MKLN1: variants seen among roughly 807,000 people sequenced by gnomAD.
MKLN1 encodes the protein muskelin 1.
Under a neutral mutation model 99.0 loss-of-function variants are expected in MKLN1, and 18 were observed. The ratio of observed to expected loss-of-function variants is 0.18; its 90% CI spans 0.13 to 0.27. The LOEUF is 0.27. MKLN1 is among the 10% of genes least tolerant of loss of function. The pLI is 1.00. For missense variants in MKLN1, 621 were observed against 875.9 expected (o/e 0.71, Z 3.67); for synonymous variants, 288 against 293.2 (o/e 0.98, Z 0.18).
In MKLN1 at chr7:131,488,264, G is replaced by T. The variant is rs1013541973; in HGVS notation, c.*536G>T. 3.3e-5 allele frequency: 5 copies of T among 151,920 alleles called. No individual in the cohort carries two copies. Among genetic ancestry groups the T allele is most frequent in the Non-Finnish European group, 2.9e-5 (2 of 68,000 alleles). The allele number at this position is 151,920 out of a possible 1,614,324, so 9.4% of individuals were successfully genotyped here. On this transcript the variant is annotated 3_prime_UTR_variant, in exon 18 of 18. Transcript: ENST00000352689. The stretch of plus-strand genomic sequence containing the variant: ...AAGTGTATAGTTCTCTAGGACAGTT[G>T]ATGTATGTTAAGGTGATATCTGTGT...
At chr7:131,416,979 CAAAAAAAAAAA>C (rs374145180) in intron 8 of MKLN1, among the ~76,000 whole-genome samples, 2,670 of 49,638 alleles carry the variant, frequency 0.054, 80 homozygotes, top group African/African-American at 0.16. Context: ...GCAACCCTGT[CAAAAAAAAAAA>C]AAAAAAAAAA....
intron 11 of MKLN1, 82 bp from the exon 12 acceptor site, chr7:131,445,692 G>T (rs1795992381): frequency 2.5e-6 from 3 of 1,211,470 alleles, no homozygotes; most frequent in South Asian, 3.2e-5. Context: ...TTTTGTAGAG[G>T]TTTAAGTTTT....
chr7:131,445,479 C>T (rs1228592093), intron 11 of MKLN1, among the ~76,000 whole-genome samples: 2 of 152,126 alleles, frequency 1.3e-5, no homozygotes, highest in Non-Finnish European at 2.9e-5. Context: ...TTCCCTCTCT[C>T]CCTCTCTTTT....
At chr7:131,347,674 G>A (rs572506638) in intron 1 of MKLN1, among the ~76,000 whole-genome samples, 17 of 151,994 alleles carry the variant, frequency 1.1e-4, no homozygotes, top group African/African-American at 4.8e-5. Context: ...TAATTGGCTC[G>A]TTTACTTTTA....
At position 131,119,109 on chromosome 7, in the gene MKLN1, C is replaced by A. The variant is rs181376975; in HGVS notation, c.-419+8902C>A. Among the ~76,000 whole-genome samples, 655 of 152,278 alleles carry A rather than the reference C, an allele frequency of 4.3e-3. 2 individuals are homozygous for A. The highest frequency in any genetic ancestry group is 6.3e-3 in the Non-Finnish European group (431 of 68,008). ...TCTTCTGCCTATGAGCCTGTAAAAT[C>A]AAAAACAAGTTAGTTACTTCCAAGA... On this transcript the variant is annotated intron_variant, in intron 1 of 7. Transcript: ENST00000416992.
chr7:131,454,296 T>A (rs1796272287), intron 12 of MKLN1, among the ~76,000 whole-genome samples: 1 of 152,180 alleles, frequency 6.6e-6, no homozygotes, highest in African/African-American at 2.4e-5. Context: ...CACCAGTAAA[T>A]AAATTGGTTG....
intron 1 of MKLN1, among the ~76,000 whole-genome samples, chr7:131,132,981 A>AAGAAAGAAAGAAAGAC (rs200629849): frequency 6.9e-5 from 10 of 144,002 alleles, no homozygotes; most frequent in East Asian, 2.1e-4. Flanking sequence ...GAAAGAAAGA[A>AAGAAAGAAAGAAAGAC]AAACCAGAGC....
At chr7:131,360,014 G>A (rs1034102302) in intron 1 of MKLN1, among the ~76,000 whole-genome samples, 14 of 152,144 alleles carry the variant, frequency 9.2e-5, no homozygotes, top group Admixed American at 3.3e-4. Context: ...CTCCCAAAGT[G>A]CTGGGATTAC....
rs900612469 is a variant in MKLN1, at chr7:131,496,441, ATTT to A, written c.*8721_*8723del. 1.3e-5 allele frequency: 2 copies of A among 149,096 alleles called. No individual in the cohort carries two copies. Among genetic ancestry groups the A allele is most frequent in the Admixed American group, 6.7e-5 (1 of 15,004 alleles). The allele number at this position is 149,096 out of a possible 1,614,324, so 9.2% of individuals were successfully genotyped here. ...ATCCAATCTGTATGGACTTTTTAGGATTTTTTTTTTCTTATAGTACAAATAATT... is the reference window on the plus strand; with the variant it reads ...ATCCAATCTGTATGGACTTTTTAGGATTTTTTTCTTATAGTACAAATAATT... On this transcript the variant is annotated 3_prime_UTR_variant, in exon 18 of 18. Transcript: ENST00000352689.
chr7:131,122,759 T>C (rs1015218894), intron 1 of MKLN1, among the ~76,000 whole-genome samples: 3 of 152,082 alleles, frequency 2.0e-5, no homozygotes, highest in Non-Finnish European at 2.9e-5. Flanking sequence ...CGGTGGCTCA[T>C]GCCTGTAATC....
chr7:131,130,496 A>G (rs1175796304), intron 1 of MKLN1, among the ~76,000 whole-genome samples: 1 of 152,234 alleles, frequency 6.6e-6, no homozygotes, highest in African/African-American at 2.4e-5. Context: ...CCCATTTCAC[A>G]GAAGTGGAGC....
At chr7:131,469,886 T>TG (rs1796770502) in intron 15 of MKLN1, among the ~76,000 whole-genome samples, 1 of 151,744 alleles carries the variant, frequency 6.6e-6, no homozygotes, top group South Asian at 2.1e-4. Context: ...TTTTGCTTTT[T>TG]TTTTTTTGAG....
At chr7:131,248,587 G>A (rs903850445) in intron 3 of MKLN1, among the ~76,000 whole-genome samples, 7 of 152,112 alleles carry the variant, frequency 4.6e-5, no homozygotes, top group South Asian at 4.1e-4. Context: ...GTGTTGCTCC[G>A]TCCTCTACCT....
chr7:131,350,834 A>G (rs1799699716), intron 1 of MKLN1, among the ~76,000 whole-genome samples: 1 of 152,192 alleles, frequency 6.6e-6, no homozygotes, highest in African/African-American at 2.4e-5. Flanking sequence ...GAATTACTCA[A>G]TGGTGTGAAT....
At chr7:131,452,051 G>C (rs759374628) in intron 12 of MKLN1, among the ~76,000 whole-genome samples, 37 of 152,082 alleles carry the variant, frequency 2.4e-4, no homozygotes, top group Admixed American at 4.6e-4. Context: ...TACTTGTTTT[G>C]ATTTTTAAAT....
At chr7:131,483,939 T>C (rs1450397173) in intron 17 of MKLN1, among the ~76,000 whole-genome samples, 1 of 152,226 alleles carries the variant, frequency 6.6e-6, no homozygotes, top group Non-Finnish European at 1.5e-5. Flanking sequence ...AATCTGTAAA[T>C]GATCAAGATC....
chr7:131,473,926 A>G (rs924663655), intron 16 of MKLN1, among the ~76,000 whole-genome samples: 1 of 152,232 alleles, frequency 6.6e-6, no homozygotes, highest in Non-Finnish European at 1.5e-5. Context: ...AGGTGGGTGG[A>G]TCACCTGAGG....
At chr7:131,354,518 G>A (rs1259029752) in intron 1 of MKLN1, among the ~76,000 whole-genome samples, 3 of 150,558 alleles carry the variant, frequency 2.0e-5, no homozygotes, top group East Asian at 3.9e-4. Context: ...TTTTTGTGGG[G>A]GGGGGCGTAA....
intron 8 of MKLN1, among the ~76,000 whole-genome samples, chr7:131,423,353 A>G (rs1158786810): frequency 6.6e-6 from 1 of 152,076 alleles, no homozygotes; most frequent in Non-Finnish European, 1.5e-5. Context: ...ATTTTTTGAG[A>G]TGGAGTTTCA....
Sources: allele counts gnomAD v4.1 joint callset (sites outside exome capture counted in the v4.1 genomes callset), GRCh38; gene constraint gnomAD v4.1.1; transcripts MANE v1.5; gene names NCBI Gene and HGNC (gene_info 2026-07-23, HGNC 2026-07-21).